PLCL2: variants seen among roughly 807,000 people sequenced by gnomAD.
The protein encoded by PLCL2 is phospholipase C like 2.
Under a neutral mutation model 79.6 loss-of-function variants are expected in PLCL2, and 4 were observed. The observed-to-expected ratio is 0.05, with a 90% confidence interval of 0.02 to 0.11. The LOEUF (loss-of-function observed/expected upper bound fraction) is 0.11, where lower values mean the gene tolerates loss of function less well. Among genes scored for constraint, PLCL2 ranks in the 10% least tolerant of loss-of-function variants. The pLI is 1.00. For synonymous variants in PLCL2, 484 were observed against 457.7 expected (o/e 1.06, Z -0.73); for missense variants, 895 against 1,291.0 (o/e 0.69, Z 4.70).
At chr3:16,941,120 T>G (rs1171050053) in intron 1 of PLCL2, among the ~76,000 whole-genome samples, 3 of 152,202 alleles carry the variant, frequency 2.0e-5, no homozygotes, top group Non-Finnish European at 2.9e-5. Flanking sequence ...ATTCAGTCCT[T>G]TGTCCCCTGT....
In PLCL2 at chr3:17,042,931, G is replaced by A. The variant is rs776218297; in HGVS notation, c.3076G>A (p.Val1026Ile). The A allele has an allele frequency of 1.7e-5, 27 of 1,610,156 alleles. No homozygotes were observed. In the South Asian group the frequency reaches 1.8e-4, roughly 10 times the overall value. Residue 1026 changes from valine to isoleucine, a missense_variant, in exon 4 of 6, where the codon GTA (valine) becomes ATA (isoleucine). Val to Ile is a conservative substitution (Grantham distance 29). Coordinates refer to ENST00000615277, the MANE Select transcript of PLCL2 (RefSeq NM_001144382.2). ...ENADAVYEKIVHCQKAAMEFH... is the reference protein window; with the variant it reads ...ENADAVYEKIIHCQKAAMEFH... The stretch of plus-strand genomic sequence containing the variant: ...TGCAGATGCTGTATATGAAAAGATC[G>A]TACATTGTCAGAAGGCAGGTAAGTG...
At position 16,963,786 on chromosome 3, in the gene PLCL2, AT is replaced by A. The variant is rs796568373; in HGVS notation, c.328-45875del. Among the ~76,000 whole-genome samples, 128 of 146,356 alleles carry A rather than the reference AT, an allele frequency of 8.7e-4. No homozygotes were observed. In the Middle Eastern group the frequency reaches 0.014, roughly 16 times the overall value. ...AATTGAGGCTTGAGAAGGTTAAGCA[AT>A]TTTTTTTTTTTTCTCAAGTCACCCT... On this transcript the variant is annotated intron_variant, in intron 1 of 5. Transcript: ENST00000615277.
intron 1 of PLCL2, among the ~76,000 whole-genome samples, chr3:16,943,897 GCTTA>G (rs1378276436): frequency 3.3e-5 from 5 of 152,120 alleles, no homozygotes; most frequent in Non-Finnish European, 7.4e-5. Context: ...TTGGATCCTT[GCTTA>G]CTTCTGTGAA....
rs549270756 is a variant in PLCL2, at chr3:16,887,225, T to G, written c.327+1859T>G. 1.3e-5 allele frequency among the ~76,000 whole-genome samples: 2 copies of G among 152,350 alleles called. No homozygotes were observed. Among genetic ancestry groups the G allele is most frequent in the Admixed American group, 1.3e-4 (2 of 15,306 alleles). On this transcript the variant is annotated intron_variant, in intron 1 of 5. Transcript: ENST00000615277. This position sits in a 1 kb window ranked among gnomAD's most constrained non-coding sequence, Gnocchi z 4.1. Reference sequence around the variant, plus strand: ...TGATACTTATGTTGAATTCTGAAACTTTTAAGGATATTTTGTCATTTTTCT... The same window carrying G: ...TGATACTTATGTTGAATTCTGAAACGTTTAAGGATATTTTGTCATTTTTCT...
intron 5 of PLCL2, among the ~76,000 whole-genome samples, chr3:17,078,220 C>T (rs1034237343): frequency 2.6e-5 from 4 of 152,124 alleles, no homozygotes; most frequent in South Asian, 2.1e-4. Flanking sequence ...GTGGCTGTTT[C>T]GGTTATCTAT....
At position 17,068,008 on chromosome 3, in the gene PLCL2, G is replaced by A. The variant is rs752700104; in HGVS notation, c.3147G>A (p.Lys1049=). ...GCATAGGCACCAAGGAAGGTTTGAA[G>A]GAAAGAAAACTACAAAAAGCAGTGG... ...LHSIGTKEGL[K]ERKLQKAVES... is the part of the protein sequence containing the mutation. The change falls in exon 5 of 6, where the codon AAG becomes AAA. Residue 1049 remains lysine, a synonymous_variant. Transcript: ENST00000615277. 11 of 1,612,020 alleles carry A rather than the reference G, an allele frequency of 6.8e-6. No individual in the cohort carries two copies. The African/African-American group carries it at 1.5e-4, about 22-fold the overall frequency.
At chr3:16,904,411 A>G (rs1360939964) in intron 1 of PLCL2, among the ~76,000 whole-genome samples, 2 of 151,628 alleles carry the variant, frequency 1.3e-5, no homozygotes, top group African/African-American at 2.4e-5. Flanking sequence ...GTGTGGAGAG[A>G]ATGCTTGTGT....
intron 5 of PLCL2, among the ~76,000 whole-genome samples, chr3:17,085,056 C>T (rs2065202479): frequency 6.6e-6 from 1 of 152,006 alleles, no homozygotes; most frequent in South Asian, 2.1e-4. Context: ...AAAAAATCTC[C>T]TCGAACAATA....
chr3:17,031,196 T>C (rs555819554), intron 3 of PLCL2, among the ~76,000 whole-genome samples: 84 of 152,152 alleles, frequency 5.5e-4, no homozygotes, highest in Non-Finnish European at 1.1e-3. Context: ...TTGGAGACAC[T>C]ACCCTCCATT....
intron 3 of PLCL2, among the ~76,000 whole-genome samples, chr3:17,025,058 G>A (rs59597665): frequency 0.013 from 1,984 of 152,270 alleles, 48 homozygotes; most frequent in African/African-American, 0.045. Context: ...AATTTAATTA[G>A]TTGTCCTAAT....
At chr3:16,902,148 C>T (rs73146928) in intron 1 of PLCL2, among the ~76,000 whole-genome samples, 19,282 of 152,182 alleles carry the variant, frequency 0.13, 1,410 homozygotes, top group African/African-American at 0.2. Context: ...TCTTATCCTG[C>T]CCCCTCCTCC....
intron 1 of PLCL2, among the ~76,000 whole-genome samples, chr3:16,980,298 C>T (rs1166512617): frequency 3.7e-4 from 55 of 147,610 alleles, no homozygotes; most frequent in East Asian, 1.2e-3. Flanking sequence ...CCCTCTTGGA[C>T]GGGGCGGCTG....
At chr3:17,060,725 G>T (rs181263922) in intron 4 of PLCL2, among the ~76,000 whole-genome samples, 1 of 152,204 alleles carries the variant, frequency 6.6e-6, no homozygotes, top group Admixed American at 6.5e-5. Flanking sequence ...TTATGTTAAG[G>T]TACTTTTAAT....
Position 17,010,345 on chromosome 3 carries a change from G to A in PLCL2, c.999G>A (p.Glu333=). ...AGGTCACAAAGGAAGAATTTATTGA[G>A]GTTTTTCATGAGCTTTGTACTAGAC... ...GTEVTKEEFI[E]VFHELCTRPE... The change falls in exon 2 of 6, where the codon GAG becomes GAA. Residue 333 remains glutamate, a synonymous_variant. Transcript: ENST00000615277. This position sits in a 1 kb window ranked among gnomAD's most constrained non-coding sequence, Gnocchi z 5.8. 6.2e-7 allele frequency: 1 copy of A among 1,613,990 alleles called. No individual in the cohort carries two copies. The highest frequency in any genetic ancestry group is 8.5e-7 in the Non-Finnish European group (1 of 1,179,992).
rs77283950 is a variant in PLCL2, at chr3:17,064,003, A to G, written c.3095-3953A>G. On this transcript the variant is annotated intron_variant, in intron 4 of 5. Coordinates refer to ENST00000615277, the MANE Select transcript of PLCL2 (RefSeq NM_001144382.2). ...CTATCTAGTCTTTAGACAGAATAGT[A>G]TGACTTACAGAAGGAGAAGAGATGC... 3.6e-3 allele frequency among the ~76,000 whole-genome samples: 551 copies of G among 152,356 alleles called. 6 individuals are homozygous for G. Among genetic ancestry groups the G allele is most frequent in the Non-Finnish European group, 4.5e-3 (304 of 68,028 alleles).
chr3:17,064,394 TAC>T (rs991125033), intron 4 of PLCL2, among the ~76,000 whole-genome samples: 1 of 152,220 alleles, frequency 6.6e-6, no homozygotes, highest in African/African-American at 2.4e-5. Context: ...ATAATTATTT[TAC>T]ACATATGATT....
At chr3:17,008,754 T>A (rs1354523402) in intron 1 of PLCL2, among the ~76,000 whole-genome samples, 2 of 152,104 alleles carry the variant, frequency 1.3e-5, no homozygotes, top group African/African-American at 4.8e-5. Context: ...CACCTTGAAA[T>A]TCTTAATAAT....
chr3:17,013,594 T>A (rs1242458567), intron 2 of PLCL2, among the ~76,000 whole-genome samples: 1 of 152,204 alleles, frequency 6.6e-6, no homozygotes, highest in Non-Finnish European at 1.5e-5. Flanking sequence ...TAGTTTGATG[T>A]CCATATTTAA....
chr3:17,007,292 GA>G (rs888316308), intron 1 of PLCL2, among the ~76,000 whole-genome samples: 5 of 150,802 alleles, frequency 3.3e-5, no homozygotes, highest in Admixed American at 2.0e-4. Flanking sequence ...TCTCTACTGG[GA>G]AAAAAAAACT....
Sources: gnomAD v4.1 joint callset for allele counts (sites outside exome capture counted in the v4.1 genomes callset) on GRCh38, gnomAD v4.1.1 for gene constraint, Gnocchi (gnomAD v3.1) non-coding constraint, MANE v1.5 for transcripts, NCBI Gene and HGNC (gene_info 2026-07-23, HGNC 2026-07-21) for gene names.